Variants in CDKAL1 observed in about 807,000 individuals in gnomAD.
CDKAL1 encodes the protein CDKAL1 threonylcarbamoyladenosine tRNA methylthiotransferase, also known as threonylcarbamoyladenosine tRNA methylthiotransferase.
Under a neutral mutation model 68.2 loss-of-function variants are expected in CDKAL1, and 32 were observed. The ratio of observed to expected loss-of-function variants is 0.47; its 90% CI spans 0.35 to 0.63. The LOEUF is 0.63. Among genes scored for constraint, CDKAL1 ranks in the 30% least tolerant of loss-of-function variants. The pLI is 0.00. For synonymous variants in CDKAL1, 234 were observed against 244.3 expected (o/e 0.96, Z 0.39); for missense variants, 606 against 696.7 (o/e 0.87, Z 1.47).
At chr6:21,198,525 G>A (rs527789802) in intron 14 of CDKAL1, among the ~76,000 whole-genome samples, 107 of 152,252 alleles carry the variant, frequency 7.0e-4, no homozygotes, top group African/African-American at 2.5e-3. Context: ...TTTTTAGTTG[G>A]TTGGTTGATT....
chr6:20,942,413 G>A (rs1475460375), intron 9 of CDKAL1, among the ~76,000 whole-genome samples: 1 of 146,966 alleles, frequency 6.8e-6, no homozygotes, highest in Non-Finnish European at 1.5e-5. Context: ...TTTTGCCCAG[G>A]TTGGAGGGCA....
At chr6:20,575,103 T>TA (rs1006110670) in intron 4 of CDKAL1, among the ~76,000 whole-genome samples, 48 of 151,116 alleles carry the variant, frequency 3.2e-4, no homozygotes, top group Non-Finnish European at 5.8e-4. Flanking sequence ...TGGTGAAAAT[T>TA]AAAAAAAAAT....
At chr6:21,151,649 A>G (rs1776415569) in intron 13 of CDKAL1, among the ~76,000 whole-genome samples, 1 of 152,358 alleles carries the variant, frequency 6.6e-6, no homozygotes, top group Admixed American at 6.5e-5. Flanking sequence ...TGTAATAAAT[A>G]AAGTTCTCAT....
intron 10 of CDKAL1, among the ~76,000 whole-genome samples, chr6:20,975,244 T>C (rs1161283341): frequency 1.3e-5 from 2 of 152,196 alleles, no homozygotes; most frequent in Non-Finnish European, 2.9e-5. Flanking sequence ...ATAGATATCC[T>C]TGCCTTGTAG....
At chr6:20,709,878 A>G (rs1379554212) in intron 5 of CDKAL1, among the ~76,000 whole-genome samples, 5 of 152,090 alleles carry the variant, frequency 3.3e-5, no homozygotes, top group Non-Finnish European at 7.4e-5. Context: ...CCTGAGTAAG[A>G]ATTTCTCTAT....
At chr6:21,201,020 T>C in intron 14 of CDKAL1, 90 bp from the exon 15 acceptor site, 1 of 1,220,554 alleles carries the variant, frequency 8.2e-7, no homozygotes, top group Non-Finnish European at 1.2e-6. Flanking sequence ...CTCTCCATAC[T>C]ATCTTTGCAA....
At chr6:20,911,517 C>T (rs1042614206) in intron 9 of CDKAL1, among the ~76,000 whole-genome samples, 2 of 152,176 alleles carry the variant, frequency 1.3e-5, no homozygotes, top group Non-Finnish European at 2.9e-5. Flanking sequence ...ACCAAAATGC[C>T]TTTGTTCATG....
intron 4 of CDKAL1, among the ~76,000 whole-genome samples, chr6:20,564,444 GT>G (rs1303160168): frequency 6.6e-6 from 1 of 152,078 alleles, no homozygotes; most frequent in Non-Finnish European, 1.5e-5. Context: ...TGTGTTGAAT[GT>G]TTTATCTACA....
chr6:20,549,610 A>G (rs1410160729), intron 4 of CDKAL1, among the ~76,000 whole-genome samples: 1 of 149,906 alleles, frequency 6.7e-6, no homozygotes, highest in African/African-American at 2.4e-5. Flanking sequence ...TTATTTATTT[A>G]TTTATTTATT....
chr6:20,553,767 T>C (rs1763924823), intron 4 of CDKAL1, among the ~76,000 whole-genome samples: 1 of 152,158 alleles, frequency 6.6e-6, no homozygotes, highest in South Asian at 2.1e-4. Context: ...TGCGATACCA[T>C]GCCTGACTGA....
intron 14 of CDKAL1, chr6:21,200,749 G>GGCCCAGGA (rs1213964290): frequency 6.1e-5 from 10 of 164,932 alleles, no homozygotes; most frequent in African/African-American, 9.6e-5. Context: ...ACTGCCCAGG[G>GGCCCAGGA]GCCCAGGAGC....
chr6:20,885,726 A>T (rs1173597999), intron 9 of CDKAL1, among the ~76,000 whole-genome samples: 1 of 152,198 alleles, frequency 6.6e-6, no homozygotes, highest in Non-Finnish European at 1.5e-5. Context: ...CAATCTACAG[A>T]CTGGGAGACG....
rs180961883 is a variant in CDKAL1, at chr6:21,041,432, C to A, written c.1056-23616C>A. ...TTATTGGAAATATGCACACCATCAG[C>A]AGATGTAAATTTGTAAAAAGTAATC... On this transcript the variant is annotated intron_variant, in intron 11 of 15. Transcript: ENST00000274695. 1.1e-3 allele frequency among the ~76,000 whole-genome samples: 170 copies of A among 152,214 alleles called. 2 individuals carry two copies. The highest frequency in any genetic ancestry group is 7.7e-4 in the East Asian group (4 of 5,188).
At chr6:20,598,895 T>C (rs1055400135) in intron 4 of CDKAL1, among the ~76,000 whole-genome samples, 2 of 152,230 alleles carry the variant, frequency 1.3e-5, no homozygotes, top group East Asian at 3.9e-4. Flanking sequence ...TCTTTAATGC[T>C]TTTTAGTCGG....
At chr6:20,561,491 C>T (rs114665566) in intron 4 of CDKAL1, among the ~76,000 whole-genome samples, 3,349 of 142,654 alleles carry the variant, frequency 0.023, 126 homozygotes, top group African/African-American at 0.076. Context: ...GTAGCCAGCT[C>T]TTAATATTAA....
At chr6:21,042,191 C>G (rs1468075485) in intron 11 of CDKAL1, among the ~76,000 whole-genome samples, 3 of 152,100 alleles carry the variant, frequency 2.0e-5, no homozygotes, top group Non-Finnish European at 4.4e-5. Flanking sequence ...ATGTCTCTTA[C>G]AAATTAAATA....
intron 13 of CDKAL1, among the ~76,000 whole-genome samples, chr6:21,138,465 C>T (rs1562062964): frequency 1.3e-5 from 2 of 152,170 alleles, no homozygotes. Flanking sequence ...TTGGAAAATG[C>T]TTTCTCTCAT....
chr6:21,107,052 A>C (rs1313006548), intron 12 of CDKAL1, among the ~76,000 whole-genome samples: 1 of 147,030 alleles, frequency 6.8e-6, no homozygotes, highest in Non-Finnish European at 1.5e-5. Context: ...GGTTCACGCC[A>C]TTCTCCTGCC....
intron 4 of CDKAL1, among the ~76,000 whole-genome samples, chr6:20,554,744 G>T (rs1763970668): frequency 6.6e-6 from 1 of 152,194 alleles, no homozygotes; most frequent in Non-Finnish European, 1.5e-5. Flanking sequence ...CAAGGTGACT[G>T]CTTTGGGAAC....
Sources: allele counts gnomAD v4.1 joint callset (sites outside exome capture counted in the v4.1 genomes callset), GRCh38; gene constraint gnomAD v4.1.1; transcripts MANE v1.5; gene names NCBI Gene and HGNC (gene_info 2026-07-23, HGNC 2026-07-21).